CPNE2: variants seen among roughly 807,000 people sequenced by gnomAD.
CPNE2 encodes copine-2.
CPNE2 carries 42 observed loss-of-function variants against 69.7 expected under a neutral mutation model. The observed-to-expected ratio is 0.60, with a 90% CI of 0.47 to 0.78. The LOEUF (loss-of-function observed/expected upper bound fraction) is 0.78. Among genes scored for constraint, CPNE2 ranks in the 30% least tolerant of loss-of-function variants. The pLI, the probability that CPNE2 is intolerant of heterozygous loss-of-function variation, is 0.00. For missense variants in CPNE2, 587 were observed against 732.0 expected (o/e 0.80, Z 2.29); for synonymous variants, 294 against 289.8 (o/e 1.01, Z -0.15).
In CPNE2 at chr16:57,114,661, G is replaced by A. The variant is rs118014970; in HGVS notation, c.361-815G>A. 6.6e-5 allele frequency among the ~76,000 whole-genome samples: 10 copies of A among 152,266 alleles called. No individual in the cohort carries two copies. The East Asian group carries it at 1.9e-3, about 29-fold the overall frequency. On this transcript the variant is annotated intron_variant, in intron 3 of 15. Coordinates refer to ENST00000290776, the MANE Select transcript of CPNE2 (RefSeq NM_152727.6). ...AGGACGACGCTCGCACTGCACCCAGGAAGCACGAACCATGCTGGCCCCTGA... is the reference window on the plus strand; with the variant it reads ...AGGACGACGCTCGCACTGCACCCAGAAAGCACGAACCATGCTGGCCCCTGA...
intron 12 of CPNE2, among the ~76,000 whole-genome samples, chr16:57,128,359 AG>A (rs1364602843): frequency 6.6e-6 from 1 of 151,966 alleles, no homozygotes; most frequent in Non-Finnish European, 1.5e-5. Flanking sequence ...CCTCCCGAGT[AG>A]CTGGGATTAC....
At chr16:57,135,855 CAG>C (rs2069875550) in intron 13 of CPNE2, among the ~76,000 whole-genome samples, 1 of 102,298 alleles carries the variant, frequency 9.8e-6, no homozygotes, top group African/African-American at 3.9e-5. Context: ...GCCTGGGTAA[CAG>C]AGTGAGACTC....
intron 10 of CPNE2, chr16:57,124,759 T>TC (rs1467586870): frequency 8.4e-6 from 2 of 238,646 alleles, no homozygotes; most frequent in African/African-American, 4.5e-5. Context: ...CACCCCTAGA[T>TC]CCTAATGGGA....
intron 5 of CPNE2, among the ~76,000 whole-genome samples, chr16:57,118,766 C>T (rs896117759): frequency 7.2e-5 from 11 of 152,188 alleles, no homozygotes; most frequent in African/African-American, 2.6e-4. Flanking sequence ...TTTTAAAGGC[C>T]ATGATATTCC....
chr16:57,139,705 T>A (rs1247321288), intron 14 of CPNE2, among the ~76,000 whole-genome samples: 1 of 152,012 alleles, frequency 6.6e-6, no homozygotes, highest in Non-Finnish European at 1.5e-5. Context: ...GCAAAGGCGG[T>A]TTCAATAGGA....
At chr16:57,097,607 A>G (rs2145230863) in intron 1 of CPNE2, among the ~76,000 whole-genome samples, 1 of 152,286 alleles carries the variant, frequency 6.6e-6, no homozygotes, top group African/African-American at 2.4e-5. Flanking sequence ...GTTAGGACAC[A>G]TGGCCCAGGT....
At chr16:57,125,317 T>G (rs2069792498) in intron 10 of CPNE2, 1 of 455,932 alleles carries the variant, frequency 2.2e-6, no homozygotes, top group African/African-American at 2.0e-5. Flanking sequence ...TGCGGTGAGC[T>G]CCCAGCTGAT....
rs779386088 is a variant in CPNE2 at position 57,147,668 on chromosome 16, C to A, written c.*10C>A. The A allele has an allele frequency of 1.9e-6, 3 of 1,584,560 alleles. No individual in the cohort carries two copies. The highest frequency in any genetic ancestry group is 2.6e-6 in the Non-Finnish European group (3 of 1,159,040). On this transcript the variant is annotated 3_prime_UTR_variant, in exon 16 of 16. Transcript: ENST00000290776. ...CTCGGAGCCCGCCTGAGCTCCAGTG[C>A]CCAGCAGCAGCATGTCAGCTGAGCC...
chr16:57,110,508 G>A lies in CPNE2; in HGVS notation c.-35-200G>A, dbSNP rs142796249. On this transcript the variant is annotated intron_variant, in intron 1 of 15. Transcript: ENST00000290776. ...TGAGATTATAGGCGTGAGCCACTGC[G>A]CTCAGCTGAGACTCCCTTTTCATGC... 5.6e-4 allele frequency: 183 copies of A among 327,334 alleles called. 1 individual carries two copies. Among genetic ancestry groups the A allele is most frequent in the Middle Eastern group, 3.5e-3 (4 of 1,152 alleles). 20.3% of individuals were successfully genotyped at this position (327,334 alleles called of 1,614,324 possible). A position where few individuals can be genotyped will look rare whatever the true frequency, so the allele number is the denominator to read the frequency against.
Position 57,137,085 on chromosome 16 carries a change from G to A in CPNE2, c.1169-64G>A. On this transcript the variant is annotated intron_variant, in intron 13 of 15. Transcript: ENST00000290776. ...GCATGAAATAGATGTTTCATCAGCA[G>A]TGAGATGAGAGTGGGTATGGGGTCA... is the stretch of plus-strand genomic sequence containing the variant. The A allele has an allele frequency of 3.8e-6, 6 of 1,587,848 alleles. No homozygotes were observed. In the South Asian group the frequency reaches 6.7e-5, roughly 18 times the overall value.
At chr16:57,101,141 C>T (rs2069610655) in intron 1 of CPNE2, among the ~76,000 whole-genome samples, 1 of 152,222 alleles carries the variant, frequency 6.6e-6, no homozygotes, top group Non-Finnish European at 1.5e-5. Context: ...CCCAAGACTG[C>T]AGCATAGAAA....
chr16:57,122,885 A>C (rs1367957921), intron 9 of CPNE2, among the ~76,000 whole-genome samples: 1 of 147,312 alleles, frequency 6.8e-6, no homozygotes, highest in Non-Finnish European at 1.5e-5. Context: ...GAGCCACTAT[A>C]CCTGGCCTGT....
At chr16:57,138,451 A>G (rs575542199) in intron 14 of CPNE2, among the ~76,000 whole-genome samples, 1 of 152,162 alleles carries the variant, frequency 6.6e-6, no homozygotes, top group South Asian at 2.1e-4. Context: ...TCGCCATCAG[A>G]TTGGATCCCC....
intron 14 of CPNE2, chr16:57,145,822 G>A: frequency 2.0e-6 from 1 of 507,482 alleles, no homozygotes; most frequent in Non-Finnish European, 3.6e-6. Flanking sequence ...GCCCCAAGGG[G>A]GAGTCTAAGA....
At chr16:57,121,889 AT>A (rs2069765484) in intron 9 of CPNE2, 129 bp downstream of exon 9, 1 of 803,258 alleles carries the variant, frequency 1.2e-6, no homozygotes, top group Non-Finnish European at 2.0e-6. Flanking sequence ...TCCTGGCCCT[AT>A]GGCCTTCTGA....
chr16:57,115,603 T>G, intron 4 of CPNE2, 53 bp downstream of exon 4: 1 of 958,122 alleles, frequency 1.0e-6, no homozygotes, highest in Admixed American at 3.3e-5. Flanking sequence ...CCCCACACCC[T>G]CCCCCATCAA....
chr16:57,127,771 G>A (rs530257478), intron 11 of CPNE2, 78 bp from the exon 12 acceptor site: 11 of 1,415,072 alleles, frequency 7.8e-6, no homozygotes, highest in African/African-American at 1.5e-5. Flanking sequence ...ATGAGGCAGA[G>A]TGGGCCCAGC....
chr16:57,135,988 G>GAGGA (rs1170090418), intron 13 of CPNE2, among the ~76,000 whole-genome samples: 1 of 142,350 alleles, frequency 7.0e-6, no homozygotes, highest in African/African-American at 2.6e-5. Flanking sequence ...GGGAGGGAAG[G>GAGGA]AGGAAGGAAG....
chr16:57,121,215 A>AGGTC, intron 8 of CPNE2, 24 bp downstream of exon 8: 1 of 1,599,142 alleles, frequency 6.3e-7, no homozygotes, highest in Non-Finnish European at 8.6e-7. Context: ...GTGTACTGTA[A>AGGTC]CCCCAAGACC....
Sources: allele counts gnomAD v4.1 joint callset (sites outside exome capture counted in the v4.1 genomes callset), GRCh38; gene constraint gnomAD v4.1.1; transcripts MANE v1.5; gene names NCBI Gene and HGNC (gene_info 2026-07-23, HGNC 2026-07-21).